Variants in MPPED1 observed in about 807,000 individuals in gnomAD.
MPPED1 encodes the protein metallophosphoesterase domain-containing protein 1.
MPPED1 carries 16 observed loss-of-function variants against 36.2 expected under a neutral mutation model. That is an observed-to-expected ratio of 0.44 (90% CI 0.30 to 0.67). The LOEUF (loss-of-function observed/expected upper bound fraction) is 0.67. Ranked by LOEUF, MPPED1 falls within the 30% of genes least tolerant of loss-of-function variation. MPPED1 has a pLI of 0.10. For synonymous variants in MPPED1, 199 were observed against 191.3 expected, an observed-to-expected ratio of 1.04 and a Z score of -0.33; for missense variants, 307 against 453.4, an observed-to-expected ratio of 0.68 and a Z score of 2.93.
intron 2 of MPPED1, among the ~76,000 whole-genome samples, chr22:43,429,607 G>A (rs1054980007): frequency 1.3e-4 from 20 of 152,238 alleles, no homozygotes; most frequent in Admixed American, 6.5e-4. Flanking sequence ...TGTGGCCCAC[G>A]CTTTGTGGCA....
intron 3 of MPPED1, among the ~76,000 whole-genome samples, chr22:43,472,257 G>A (rs1490680866): frequency 6.6e-6 from 1 of 152,180 alleles, no homozygotes. Context: ...AAAAAGTTGT[G>A]CCAAACAAAA....
chr22:43,505,675 C>T lies in MPPED1; in HGVS notation c.*59C>T. ...GTCAGCTCCACAGGCCTGGCCCGGC[C>T]ACTGTTCCTTCCATGCTGAGTTGCC... is the stretch of plus-strand genomic sequence containing the variant. On this transcript the variant is annotated 3_prime_UTR_variant, in exon 7 of 7. Transcript: ENST00000443721. The T allele has an allele frequency of 6.8e-7, 1 of 1,468,456 alleles. No homozygotes were observed. Among genetic ancestry groups the T allele is most frequent in the Non-Finnish European group, 9.3e-7 (1 of 1,072,400 alleles). 91.0% of individuals were successfully genotyped at this position (1,468,456 alleles called of 1,614,324 possible).
intron 1 of MPPED1, among the ~76,000 whole-genome samples, chr22:43,419,467 C>T (rs1929185834): frequency 6.6e-6 from 1 of 152,132 alleles, no homozygotes; most frequent in Non-Finnish European, 1.5e-5. Flanking sequence ...TTCGTGGAGG[C>T]TTCAAGGCAG....
intron 3 of MPPED1, among the ~76,000 whole-genome samples, chr22:43,472,607 C>CT (rs1569081109): frequency 6.6e-6 from 1 of 152,202 alleles, no homozygotes; most frequent in African/African-American, 2.4e-5. Flanking sequence ...AAGAGCAGTG[C>CT]TTTCTTTCTC....
intron 1 of MPPED1, chr22:43,416,857 C>T (rs1387640245): frequency 3.1e-5 from 9 of 290,754 alleles, no homozygotes; most frequent in Non-Finnish European, 4.1e-5. Flanking sequence ...TTTCTCTGCC[C>T]GAGCTTTGTG....
At chr22:43,451,344 AG>A (rs910370560) in intron 3 of MPPED1, among the ~76,000 whole-genome samples, 3 of 152,212 alleles carry the variant, frequency 2.0e-5, no homozygotes, top group Non-Finnish European at 2.9e-5. Context: ...TCATCCAAAG[AG>A]GACTTCCGCT....
At chr22:43,503,202 A>C (rs762960908) in intron 6 of MPPED1, among the ~76,000 whole-genome samples, 3 of 152,112 alleles carry the variant, frequency 2.0e-5, no homozygotes, top group Non-Finnish European at 4.4e-5. Context: ...GTGTGGAGGG[A>C]CTACCTGTGA....
At chr22:43,473,849 A>G (rs1206794754) in intron 3 of MPPED1, among the ~76,000 whole-genome samples, 1 of 152,210 alleles carries the variant, frequency 6.6e-6, no homozygotes, top group Non-Finnish European at 1.5e-5. Flanking sequence ...GTGACAGTGC[A>G]CACTCCTGCC....
chr22:43,432,641 GAGGGAAAGAGAA>G (rs1569067302), intron 2 of MPPED1, among the ~76,000 whole-genome samples: 1 of 500 alleles, frequency 2.0e-3, no homozygotes, highest in Non-Finnish European at 3.9e-3. Flanking sequence ...GAGAGAGAGA[GAGGGAAAGAGAA>G]AGGGAGGAGA....
At chr22:43,489,544 A>C (rs1370583940) in intron 4 of MPPED1, among the ~76,000 whole-genome samples, 1 of 148,526 alleles carries the variant, frequency 6.7e-6, no homozygotes, top group Non-Finnish European at 1.5e-5. Context: ...TTTGAGATGG[A>C]GTCTCGCTCT....
chr22:43,459,345 C>A (rs1394804716), intron 3 of MPPED1, among the ~76,000 whole-genome samples: 1 of 152,230 alleles, frequency 6.6e-6, no homozygotes, highest in Non-Finnish European at 1.5e-5. Context: ...ACCTCAGCCT[C>A]CCAAAATGCT....
chr22:43,432,255 AAGAGAGAGAAAGGGAGGAG>A (rs1353838162), intron 2 of MPPED1, among the ~76,000 whole-genome samples: 33 of 148,238 alleles, frequency 2.2e-4, no homozygotes, highest in East Asian at 2.2e-3. Context: ...GAGGGAGGGA[AAGAGAGAGAAAGGGAGGAG>A]AGAGAGAGAA....
At chr22:43,488,281 G>A (rs1486573795) in intron 4 of MPPED1, among the ~76,000 whole-genome samples, 1 of 152,202 alleles carries the variant, frequency 6.6e-6, no homozygotes, top group Non-Finnish European at 1.5e-5. Flanking sequence ...AGGAAATGGG[G>A]CGCAGCCAGG....
intron 3 of MPPED1, among the ~76,000 whole-genome samples, chr22:43,468,288 C>G (rs1430380118): frequency 6.6e-6 from 1 of 152,206 alleles, no homozygotes; most frequent in African/African-American, 2.4e-5. Flanking sequence ...GCATTGCTCC[C>G]CAGCTCTGAA....
At chr22:43,498,383 C>G in intron 5 of MPPED1, 33 bp downstream of exon 5, 1 of 1,499,638 alleles carries the variant, frequency 6.7e-7, no homozygotes, top group East Asian at 2.5e-5. Flanking sequence ...CTCCAGCTCG[C>G]CCATCTGGGC....
intron 3 of MPPED1, among the ~76,000 whole-genome samples, chr22:43,464,773 C>T (rs1194720270): frequency 6.6e-6 from 1 of 152,200 alleles, no homozygotes; most frequent in African/African-American, 2.4e-5. Context: ...TACCCACTCC[C>T]AGGACTTTGG....
chr22:43,458,966 A>T (rs1193739708), intron 3 of MPPED1, among the ~76,000 whole-genome samples: 1 of 151,880 alleles, frequency 6.6e-6, no homozygotes, highest in Admixed American at 6.6e-5. Context: ...TTAGGTGTGG[A>T]CCTCTTTGAG....
intron 5 of MPPED1, among the ~76,000 whole-genome samples, chr22:43,500,107 G>T (rs372608382): frequency 0.56 from 21,301 of 37,746 alleles, 6,268 homozygotes; most frequent in African/African-American, 0.84. Flanking sequence ...GTGGTAGTGG[G>T]GGTGATGAAG....
intron 3 of MPPED1, among the ~76,000 whole-genome samples, chr22:43,465,512 T>C (rs1331194257): frequency 6.6e-6 from 1 of 152,050 alleles, no homozygotes; most frequent in Non-Finnish European, 1.5e-5. Context: ...GTGCTGGCGG[T>C]AGAGCGCTGA....
Sources: gnomAD v4.1 joint callset for allele counts (sites outside exome capture counted in the v4.1 genomes callset) on GRCh38, gnomAD v4.1.1 for gene constraint, MANE v1.5 for transcripts, NCBI Gene and HGNC (gene_info 2026-07-23, HGNC 2026-07-21) for gene names.